SPHKAP: variants seen among roughly 807,000 people sequenced by gnomAD.
SPHKAP encodes the protein SPHK1 interactor, AKAP domain containing, also known as A-kinase anchor protein SPHKAP.
In SPHKAP, 67 loss-of-function variants were observed where a neutral mutation model predicts 137.5. The observed-to-expected ratio is 0.49, with a 90% confidence interval of 0.40 to 0.60. The LOEUF (loss-of-function observed/expected upper bound fraction) is 0.60. Ranked by LOEUF, SPHKAP falls within the 20% of genes least tolerant of loss-of-function variation. SPHKAP has a pLI of 0.00. For missense variants in SPHKAP, 2,097 were observed against 2,069.3 expected (o/e 1.01, Z -0.26); for synonymous variants, 813 against 785.3 (o/e 1.04, Z -0.59).
chr2:227,995,471 G>C (rs749698167), intron 8 of SPHKAP, 38 bp downstream of exon 8: 6 of 1,610,964 alleles, frequency 3.7e-6, no homozygotes, highest in Middle Eastern at 1.6e-4. Flanking sequence ...TCTGTGTTGA[G>C]ACCAATTTCC....
intron 2 of SPHKAP, among the ~76,000 whole-genome samples, chr2:228,118,445 T>G (rs1297890561): frequency 1.3e-5 from 2 of 152,012 alleles, no homozygotes; most frequent in African/African-American, 2.4e-5. Context: ...TGAAAAAATG[T>G]CCTTTAAAGT....
At chr2:228,140,148 T>C (rs1342283807) in intron 1 of SPHKAP, among the ~76,000 whole-genome samples, 1 of 151,760 alleles carries the variant, frequency 6.6e-6, no homozygotes, top group Admixed American at 6.6e-5. Flanking sequence ...GGTTTCACCA[T>C]GTTGGCCAGG....
At chr2:228,120,583 T>A (rs1698872872) in intron 2 of SPHKAP, among the ~76,000 whole-genome samples, 1 of 152,166 alleles carries the variant, frequency 6.6e-6, no homozygotes, top group Middle Eastern at 3.2e-3. Context: ...ATCTCCCTAT[T>A]TTTCTTGTGC....
intron 3 of SPHKAP, among the ~76,000 whole-genome samples, chr2:228,107,474 GACACTATAAAGGGACT>G (rs1292860212): frequency 6.6e-6 from 1 of 152,116 alleles, no homozygotes; most frequent in African/African-American, 2.4e-5. Context: ...GATACCATCT[GACACTATAAAGGGACT>G]ACAGATTTAA....
intron 3 of SPHKAP, among the ~76,000 whole-genome samples, chr2:228,106,647 G>T (rs1339146008): frequency 6.6e-6 from 1 of 152,114 alleles, no homozygotes; most frequent in African/African-American, 2.4e-5. Context: ...TGACGATTTT[G>T]GTCACTGCTT....
At chr2:227,986,578 AT>A (rs1488745481) in intron 11 of SPHKAP, among the ~76,000 whole-genome samples, 1 of 152,202 alleles carries the variant, frequency 6.6e-6, no homozygotes, top group Non-Finnish European at 1.5e-5. Context: ...AAGTAAAAAA[AT>A]TTGTTAAAGT....
At chr2:228,147,887 T>C (rs539934560) in intron 1 of SPHKAP, among the ~76,000 whole-genome samples, 1 of 152,296 alleles carries the variant, frequency 6.6e-6, no homozygotes, top group Admixed American at 6.5e-5. Context: ...ATTTACTCAG[T>C]TGCACTTAAT....
At chr2:228,015,106 T>A (rs1454583166) in intron 7 of SPHKAP, among the ~76,000 whole-genome samples, 1 of 132,448 alleles carries the variant, frequency 7.6e-6, no homozygotes, top group African/African-American at 2.8e-5. Context: ...GAGTGTGATG[T>A]TCCCCTTCCT....
intron 1 of SPHKAP, among the ~76,000 whole-genome samples, chr2:228,174,254 A>G (rs1402134063): frequency 6.6e-6 from 1 of 152,250 alleles, no homozygotes; most frequent in Non-Finnish European, 1.5e-5. Flanking sequence ...ATATTCAGAA[A>G]GAAAGTGATA....
chr2:228,098,983 T>C (rs953461706), intron 3 of SPHKAP, among the ~76,000 whole-genome samples: 11 of 152,190 alleles, frequency 7.2e-5, no homozygotes, highest in African/African-American at 2.7e-4. Context: ...CTGTAGGTTG[T>C]CTGTTTACTT....
chr2:228,141,493 GC>G (rs1699606364), intron 1 of SPHKAP, among the ~76,000 whole-genome samples: 1 of 152,094 alleles, frequency 6.6e-6, no homozygotes. Flanking sequence ...ATTAATATAT[GC>G]ACATTTTTGA....
At chr2:228,083,810 T>C (rs1338086297) in intron 3 of SPHKAP, among the ~76,000 whole-genome samples, 1 of 152,120 alleles carries the variant, frequency 6.6e-6, no homozygotes, top group Non-Finnish European at 1.5e-5. Context: ...GAAGCCATCA[T>C]TCTCAGCAAA....
chr2:228,010,990 T>A (rs1236260697), intron 7 of SPHKAP, among the ~76,000 whole-genome samples: 2 of 152,210 alleles, frequency 1.3e-5, no homozygotes, highest in East Asian at 1.9e-4. Flanking sequence ...GGGGCTTTAT[T>A]TGTTGAAATC....
intron 3 of SPHKAP, among the ~76,000 whole-genome samples, chr2:228,061,059 G>A (rs1032035326): frequency 2.0e-5 from 3 of 152,010 alleles, no homozygotes; most frequent in Non-Finnish European, 1.5e-5. Flanking sequence ...ACTCCATTTC[G>A]ATATGTGTGC....
intron 2 of SPHKAP, among the ~76,000 whole-genome samples, chr2:228,121,722 G>A (rs1559184973): frequency 1.3e-5 from 2 of 152,136 alleles, no homozygotes; most frequent in Non-Finnish European, 2.9e-5. Flanking sequence ...CTTCTCAAAA[G>A]GCAGAGATGT....
chr2:228,063,336 C>T (rs1166137246), intron 3 of SPHKAP, among the ~76,000 whole-genome samples: 2 of 152,174 alleles, frequency 1.3e-5, no homozygotes, highest in East Asian at 3.9e-4. Context: ...GGATATAACA[C>T]TTCTGATTAT....
intron 3 of SPHKAP, among the ~76,000 whole-genome samples, chr2:228,030,646 A>G (rs1377993306): frequency 6.6e-6 from 1 of 151,478 alleles, no homozygotes; most frequent in Admixed American, 6.6e-5. Flanking sequence ...GCTAGAACTT[A>G]AAAGGGCTGG....
intron 3 of SPHKAP, among the ~76,000 whole-genome samples, chr2:228,030,150 T>A (rs1695225924): frequency 6.6e-6 from 1 of 152,196 alleles, no homozygotes; most frequent in Non-Finnish European, 1.5e-5. Flanking sequence ...TCTTGCAATA[T>A]CTTCATAGTA....
chr2:227,986,571 TAAA>T (rs1224639277), intron 11 of SPHKAP, among the ~76,000 whole-genome samples: 1 of 152,124 alleles, frequency 6.6e-6, no homozygotes, highest in Non-Finnish European at 1.5e-5. Flanking sequence ...CCTATGGAAG[TAAA>T]AAAATTTGTT....
Sources: gnomAD v4.1 joint callset for allele counts (sites outside exome capture counted in the v4.1 genomes callset) on GRCh38, gnomAD v4.1.1 for gene constraint, MANE v1.5 for transcripts, NCBI Gene and HGNC (gene_info 2026-07-23, HGNC 2026-07-21) for gene names.